DENND2B: variants seen among roughly 807,000 people sequenced by gnomAD.
The protein encoded by DENND2B is DENN domain containing 2B.
Under a neutral mutation model 116.0 loss-of-function variants are expected in DENND2B, and 32 were observed. The observed-to-expected ratio is 0.28, with a 90% CI of 0.21 to 0.37. DENND2B has a LOEUF of 0.37. Ranked by LOEUF, DENND2B falls within the 10% of genes least tolerant of loss-of-function variation. The pLI is 1.00. For missense variants in DENND2B, 1,276 were observed against 1,477.7 expected, an observed-to-expected ratio of 0.86 and a Z score of 2.24; for synonymous variants, 588 against 583.9, an observed-to-expected ratio of 1.01 and a Z score of -0.10.
chr11:8,791,978 G>A (rs952303161), intron 1 of DENND2B, among the ~76,000 whole-genome samples: 5 of 63,492 alleles, frequency 7.9e-5, no homozygotes, highest in South Asian at 8.5e-4. Context: ...GCCAAGGCGC[G>A]TGGATCACCT....
chr11:8,789,722 G>C (rs538158818), intron 1 of DENND2B, among the ~76,000 whole-genome samples: 14 of 152,090 alleles, frequency 9.2e-5, no homozygotes, highest in Admixed American at 9.2e-4. Context: ...GAAATAAGAA[G>C]TGTCTAAAAC....
At chr11:8,848,437 A>G (rs1350623079) in intron 3 of DENND2B, among the ~76,000 whole-genome samples, 2 of 152,184 alleles carry the variant, frequency 1.3e-5, no homozygotes, top group African/African-American at 2.4e-5. Context: ...TTAATAAAAT[A>G]GGACTGCAGG....
At chr11:8,772,697 C>G (rs1222364304) in intron 1 of DENND2B, among the ~76,000 whole-genome samples, 9 of 152,052 alleles carry the variant, frequency 5.9e-5, no homozygotes, top group Non-Finnish European at 1.2e-4. Flanking sequence ...CAGGGATAGG[C>G]CTAGAGTGCC....
Position 8,707,710 on chromosome 11 carries a change from G to T in DENND2B, c.2430+67C>A. Reference sequence around the variant, plus strand: ...ACAGGTGGTTTTCTCATCTAAGCTGGCTGCAGATACTCCTGTGGGAGCTGT... The same window carrying T: ...ACAGGTGGTTTTCTCATCTAAGCTGTCTGCAGATACTCCTGTGGGAGCTGT... On this transcript the variant is annotated intron_variant, in intron 12 of 19. Coordinates refer to ENST00000313726, the MANE Select transcript of DENND2B (RefSeq NM_213618.2). This position sits in a 1 kb window ranked among gnomAD's most constrained non-coding sequence, Gnocchi z 4.8. 6.7e-7 allele frequency: 1 copy of T among 1,488,524 alleles called. No homozygotes were observed. The highest frequency in any genetic ancestry group is 9.2e-7 in the Non-Finnish European group (1 of 1,091,176). The allele number at this position is 1,488,524 out of a possible 1,614,324, so 92.2% of individuals were successfully genotyped here. A position where few individuals can be genotyped will look rare whatever the true frequency, so the allele number is the denominator to read the frequency against.
chr11:8,775,048 T>C (rs1460459115), intron 1 of DENND2B, among the ~76,000 whole-genome samples: 1 of 151,834 alleles, frequency 6.6e-6, no homozygotes, highest in Non-Finnish European at 1.5e-5. Flanking sequence ...ACCTGGCTAA[T>C]TTTTGTATTT....
At chr11:8,834,028 G>T (rs1053979977) in intron 4 of DENND2B, among the ~76,000 whole-genome samples, 3 of 152,086 alleles carry the variant, frequency 2.0e-5, no homozygotes, top group Admixed American at 1.3e-4. Flanking sequence ...GACCAAAGAT[G>T]AACTCAAAAA....
intron 9 of DENND2B, chr11:8,711,976 G>T: frequency 2.2e-6 from 1 of 455,994 alleles, no homozygotes; most frequent in South Asian, 1.5e-5. Flanking sequence ...TCCTACTTGA[G>T]CAGAGCCTGA....
At chr11:8,718,857 C>A (rs1257975845) in intron 4 of DENND2B, 4 of 995,882 alleles carry the variant, frequency 4.0e-6, no homozygotes, top group Non-Finnish European at 4.8e-6. Context: ...ACCCCTCCAA[C>A]ACACACATTT....
At chr11:8,764,887 G>GTGAGC (rs2055349254) in intron 1 of DENND2B, among the ~76,000 whole-genome samples, 1 of 142,970 alleles carries the variant, frequency 7.0e-6, no homozygotes, top group African/African-American at 2.5e-5. Flanking sequence ...AGAGGTTGCA[G>GTGAGC]TGAGCTGAGA....
chr11:8,838,604 C>T (rs182738544), intron 4 of DENND2B, among the ~76,000 whole-genome samples: 17 of 152,256 alleles, frequency 1.1e-4, no homozygotes, highest in Admixed American at 9.2e-4. Context: ...AGGCACAGCA[C>T]AGAGGGAAAT....
Position 8,805,811 on chromosome 11 carries a change from A to G in DENND2B, c.-26+4706T>C, listed in dbSNP as rs1248122694. ...TGACATAGATGGGAGTAAGGCCCAT[A>G]CTTGATACTTCTGCGTTCCTCCCCA... On this transcript the variant is annotated intron_variant, in intron 1 of 19. Coordinates refer to ENST00000313726, the MANE Select transcript of DENND2B (RefSeq NM_213618.2). 2.6e-5 allele frequency among the ~76,000 whole-genome samples: 4 copies of G among 152,198 alleles called. No homozygotes were observed. The East Asian group carries it at 7.7e-4, about 29-fold the overall frequency.
At chr11:8,842,499 G>C (rs1370385964) in intron 3 of DENND2B, among the ~76,000 whole-genome samples, 1 of 152,156 alleles carries the variant, frequency 6.6e-6, no homozygotes, top group Non-Finnish European at 1.5e-5. Flanking sequence ...ATATTAAAAT[G>C]TGGAAAAACC....
intron 1 of DENND2B, among the ~76,000 whole-genome samples, chr11:8,906,468 G>C (rs920663973): frequency 1.1e-4 from 16 of 145,724 alleles, no homozygotes; most frequent in Non-Finnish European, 1.9e-4. Context: ...CAAAGTGCTG[G>C]GATTACAGGT....
intron 2 of DENND2B, among the ~76,000 whole-genome samples, chr11:8,867,460 T>TC (rs2063622687): frequency 6.6e-6 from 1 of 152,094 alleles, no homozygotes. Context: ...CTCCTGTTTT[T>TC]CCTCCATAAC....
chr11:8,774,863 G>GT (rs764878186), intron 1 of DENND2B, among the ~76,000 whole-genome samples: 1,687 of 137,754 alleles, frequency 0.012, 26 homozygotes, highest in African/African-American at 0.039. Context: ...TATTTTTTTC[G>GT]TTTTTTTTTT....
chr11:8,730,914 C>G lies in DENND2B; in HGVS notation c.376G>C (p.Ala126Pro). ...ESVQGAAQDV[A>P]GVAACLPLAQ... ...AGGGGGAGGCAGGCAGCGACCCCTG[C>G]TACATCCTGGGCTGCGCCTTGGACA... Residue 126 changes from alanine (A) to proline (P), a missense_variant, in exon 3 of 20, where the codon GCA becomes CCA. Ala to Pro is a conservative substitution (Grantham distance 27, BLOSUM62 -1). Transcript: ENST00000313726. The surrounding 1 kb of genome is among the most constrained non-coding windows in gnomAD (Gnocchi z 4.1). 1 of 1,614,178 alleles carries G rather than the reference C, an allele frequency of 6.2e-7. No individual in the cohort carries two copies. Among genetic ancestry groups the G allele is most frequent in the Non-Finnish European group, 8.5e-7 (1 of 1,180,052 alleles).
At chr11:8,818,425 C>T (rs1481119965) in intron 4 of DENND2B, among the ~76,000 whole-genome samples, 1 of 151,994 alleles carries the variant, frequency 6.6e-6, no homozygotes, top group Non-Finnish European at 1.5e-5. Context: ...GGAATGTGGA[C>T]TCAAGCTGCT....
rs147028066 is a variant in DENND2B, at chr11:8,765,921, C to T, written c.-25-15196G>A. On this transcript the variant is annotated intron_variant, in intron 1 of 19. Transcript: ENST00000313726. ...AGAAGTGGTGGTGCCTGCCTGTAGT[C>T]CCAGCTACTAGGGAGGCTGAGGCAG... Among the ~76,000 whole-genome samples the T allele has an allele frequency of 5.2e-4, 79 of 152,104 alleles. 1 individual carries two copies. In the East Asian group the frequency reaches 0.012, roughly 23 times the overall value.
At chr11:8,780,889 G>T (rs1257638771) in intron 1 of DENND2B, among the ~76,000 whole-genome samples, 2 of 152,106 alleles carry the variant, frequency 1.3e-5, no homozygotes, top group African/African-American at 4.8e-5. Flanking sequence ...TTGAAGCTCA[G>T]GCTGAACAGA....
Sources: gnomAD v4.1 joint callset for allele counts (sites outside exome capture counted in the v4.1 genomes callset) on GRCh38, gnomAD v4.1.1 for gene constraint, Gnocchi (gnomAD v3.1) non-coding constraint, MANE v1.5 for transcripts, NCBI Gene and HGNC (gene_info 2026-07-23, HGNC 2026-07-21) for gene names.